The following HIVEP3 variants were observed in gnomAD, a reference collection of about 807,000 sequenced individuals.
HIVEP3 encodes the protein transcription factor HIVEP3.
Under a neutral mutation model 152.8 loss-of-function variants are expected in HIVEP3, and 49 were observed. The observed-to-expected ratio is 0.32, with a 90% CI of 0.26 to 0.41. The LOEUF (loss-of-function observed/expected upper bound fraction) is 0.41, where lower values mean the gene tolerates loss of function less well. HIVEP3 is among the 10% of genes least tolerant of loss of function. HIVEP3 has a pLI of 1.00. For synonymous variants in HIVEP3, 1,269 were observed against 1,289.0 expected, an observed-to-expected ratio of 0.98 and a Z score of 0.33; for missense variants, 2,790 against 3,103.3, an observed-to-expected ratio of 0.90 and a Z score of 2.40.
intron 1 of HIVEP3, among the ~76,000 whole-genome samples, chr1:41,840,290 C>T (rs906386280): frequency 5.3e-5 from 8 of 152,110 alleles, no homozygotes; most frequent in African/African-American, 1.9e-4. Flanking sequence ...ATAGAGTAGA[C>T]CCCAAATCCA....
chr1:41,895,147 C>T (rs181780285), intron 1 of HIVEP3, among the ~76,000 whole-genome samples: 1 of 152,130 alleles, frequency 6.6e-6, no homozygotes, highest in African/African-American at 2.4e-5. Flanking sequence ...AGAAAGAAGC[C>T]CAAGTCCTGA....
intron 1 of HIVEP3, among the ~76,000 whole-genome samples, chr1:41,955,774 T>C (rs1028028189): frequency 2.6e-5 from 4 of 152,202 alleles, no homozygotes; most frequent in East Asian, 1.9e-4. Context: ...GGGAAGCCCA[T>C]TGAGCAGAGG....
chr1:41,519,531 G>A (rs1326264065), intron 6 of HIVEP3, among the ~76,000 whole-genome samples: 2 of 152,204 alleles, frequency 1.3e-5, no homozygotes, highest in Non-Finnish European at 2.9e-5. Context: ...TGTGCTCACT[G>A]TTGCCCTGGG....
At chr1:41,629,819 G>C (rs764408974) in intron 2 of HIVEP3, among the ~76,000 whole-genome samples, 2 of 149,540 alleles carry the variant, frequency 1.3e-5, no homozygotes, top group Admixed American at 1.3e-4. Flanking sequence ...GCTTATACGC[G>C]GTTGGCAGGA....
At chr1:41,738,302 C>A (rs762154952) in intron 1 of HIVEP3, among the ~76,000 whole-genome samples, 9 of 152,196 alleles carry the variant, frequency 5.9e-5, no homozygotes, top group Non-Finnish European at 1.2e-4. Context: ...TGAACCAGTC[C>A]TCAGAAATCA....
At chr1:41,721,483 G>C (rs184243536) in intron 1 of HIVEP3, among the ~76,000 whole-genome samples, 1 of 152,268 alleles carries the variant, frequency 6.6e-6, no homozygotes, top group East Asian at 1.9e-4. Flanking sequence ...TGGGATTACA[G>C]ATGTGAGCCA....
intron 5 of HIVEP3, among the ~76,000 whole-genome samples, chr1:41,534,713 G>C (rs115120397): frequency 2.0e-5 from 3 of 152,184 alleles, no homozygotes; most frequent in African/African-American, 7.2e-5. Context: ...CTTTCCTGGG[G>C]CCTGTGATCC....
intron 1 of HIVEP3, among the ~76,000 whole-genome samples, chr1:41,764,843 G>T (rs1208599775): frequency 6.6e-6 from 1 of 152,142 alleles, no homozygotes; most frequent in Non-Finnish European, 1.5e-5. Flanking sequence ...CCAGAGGAGG[G>T]TTCATGGCAG....
At chr1:41,955,339 C>CCCT (rs1557538027) in intron 1 of HIVEP3, among the ~76,000 whole-genome samples, 1 of 151,988 alleles carries the variant, frequency 6.6e-6, no homozygotes, top group Admixed American at 6.5e-5. Context: ...TGAATTGGTT[C>CCCT]CCTCCTATGT....
rs1018305181 is a variant in HIVEP3, at chr1:41,695,816, T to C, written c.-721+5100A>G. ...ACGTGAATTCTTTCTCAGGTGAAAA[T>C]TAAAGTGTTTCCATTTTGGACAAAT... On this transcript the variant is annotated intron_variant, in intron 2 of 8. Transcript: ENST00000372583. 2.6e-5 allele frequency among the ~76,000 whole-genome samples: 4 copies of C among 152,280 alleles called. No homozygotes were observed. The East Asian group carries it at 7.7e-4, about 29-fold the overall frequency.
chr1:41,856,022 ACTAC>A (rs1405817868), intron 1 of HIVEP3, among the ~76,000 whole-genome samples: 1 of 152,178 alleles, frequency 6.6e-6, no homozygotes, highest in Non-Finnish European at 1.5e-5. Flanking sequence ...AGTAGCTGGG[ACTAC>A]AGGTGCATGC....
At chr1:41,660,482 G>A (rs921604396) in intron 2 of HIVEP3, among the ~76,000 whole-genome samples, 17 of 152,302 alleles carry the variant, frequency 1.1e-4, no homozygotes, top group Admixed American at 3.9e-4. Flanking sequence ...GTTGCGGTCC[G>A]TGCTTTACCA....
rs761840016 is a variant in HIVEP3 at position 41,513,138 on chromosome 1, G to A, written c.6083C>T (p.Ser2028Phe). The change falls in exon 8 of 9, where the codon TCT (serine) becomes TTT (phenylalanine). Residue 2028 changes from serine (S) to phenylalanine (F), a missense_variant. Physicochemically the swap from Ser to Phe is radical, Grantham distance 155 (BLOSUM62 -2). Around this residue, in one of 9 missense-constraint regions of HIVEP3, gnomAD observed 816 missense variants for 806.5 expected, o/e 1.01. Coordinates refer to ENST00000372583, the MANE Select transcript of HIVEP3 (RefSeq NM_024503.5). ...GAGAGGAGACAGCTGAAGTCTTGGA[G>A]ACCCACAAGGGAGAGCGCCCATGCC... is the stretch of plus-strand genomic sequence containing the variant. Reference protein sequence around the residue: ...GRGMGALPCGSPRLQLSPLTL... With the variant: ...GRGMGALPCGFPRLQLSPLTL... The A allele has an allele frequency of 5.0e-6, 8 of 1,613,852 alleles. No homozygotes were observed. The East Asian group carries it at 1.6e-4, about 31-fold the overall frequency.
intron 1 of HIVEP3, among the ~76,000 whole-genome samples, chr1:41,901,294 C>T (rs1017828642): frequency 3.9e-5 from 6 of 151,938 alleles, no homozygotes; most frequent in Admixed American, 2.6e-4. Context: ...CCGAGTTATG[C>T]GTGTGTTGAG....
intron 1 of HIVEP3, among the ~76,000 whole-genome samples, chr1:41,863,657 T>A (rs906103823): frequency 6.6e-6 from 1 of 152,242 alleles, no homozygotes; most frequent in African/African-American, 2.4e-5. Flanking sequence ...CACATGTGCA[T>A]GAGTTCGTCA....
chr1:41,831,013 G>C (rs1444941148), intron 1 of HIVEP3, among the ~76,000 whole-genome samples: 1 of 152,070 alleles, frequency 6.6e-6, no homozygotes, highest in Non-Finnish European at 1.5e-5. Context: ...TCCCCATTTT[G>C]TCTCCTCCTA....
At chr1:41,946,340 T>C (rs567624925) in intron 1 of HIVEP3, among the ~76,000 whole-genome samples, 11 of 152,232 alleles carry the variant, frequency 7.2e-5, no homozygotes, top group African/African-American at 2.6e-4. Flanking sequence ...GCCATCACCC[T>C]CAGAGCCCCG....
intron 1 of HIVEP3, among the ~76,000 whole-genome samples, chr1:41,730,649 C>A (rs1455265341): frequency 1.3e-5 from 2 of 152,260 alleles, no homozygotes; most frequent in Non-Finnish European, 2.9e-5. Flanking sequence ...GCTCTTTGCA[C>A]GTTAATAATG....
intron 1 of HIVEP3, among the ~76,000 whole-genome samples, chr1:41,913,611 G>C (rs1262618288): frequency 3.3e-5 from 5 of 152,006 alleles, no homozygotes; most frequent in African/African-American, 1.2e-4. Context: ...CGCCCAGGCT[G>C]ATCTCAAACT....
Sources: allele counts gnomAD v4.1 joint callset (sites outside exome capture counted in the v4.1 genomes callset), GRCh38; gene constraint gnomAD v4.1.1; regional missense constraint gnomAD v4.1.1; transcripts MANE v1.5; gene names NCBI Gene and HGNC (gene_info 2026-07-23, HGNC 2026-07-21).